BRCA1: variants seen among roughly 807,000 people sequenced by gnomAD.
BRCA1 encodes the protein BRCA1 DNA repair associated.
In BRCA1, 140 loss-of-function variants were observed where a neutral mutation model predicts 173.7. That is an observed-to-expected ratio of 0.81 (90% CI 0.70 to 0.93). BRCA1 has a LOEUF of 0.93. Ranked by LOEUF, BRCA1 falls within the 40% of genes least tolerant of loss-of-function variation. The probability of loss-of-function intolerance (pLI) is 0.00; values close to 1 mark genes in which losing one functional copy is unlikely to be tolerated. For synonymous variants in BRCA1, 662 were observed against 756.0 expected, an observed-to-expected ratio of 0.88 and a Z score of 2.04; for missense variants, 1,983 against 2,172.5, an observed-to-expected ratio of 0.91 and a Z score of 1.73.
Position 43,045,406 on chromosome 17 carries a change from TTGG to T in BRCA1, c.*269_*271del. ...AATAATGAATCAGCATCTTGCTCAA[TTGG>T]TGGCGTTTAAATGGTTTTAAAATCT... On this transcript the variant is annotated 3_prime_UTR_variant, in exon 23 of 23. Coordinates refer to ENST00000357654, the MANE Select transcript of BRCA1 (RefSeq NM_007294.4). The T allele has an allele frequency of 1.5e-6, 1 of 653,054 alleles. No individual in the cohort carries two copies. 40.5% of individuals were successfully genotyped at this position (653,054 alleles called of 1,614,324 possible). A position where few individuals can be genotyped will look rare whatever the true frequency, so the allele number is the denominator to read the frequency against.
At chr17:43,133,354 G>A (rs888663555) in intron 1 of BRCA1, among the ~76,000 whole-genome samples, 12 of 152,222 alleles carry the variant, frequency 7.9e-5, no homozygotes, top group African/African-American at 2.6e-4. Context: ...CAGGAGAAGT[G>A]GGATCCAGCC....
intron 3 of BRCA1, among the ~76,000 whole-genome samples, chr17:43,111,787 A>G (rs1462713362): frequency 6.6e-6 from 1 of 152,162 alleles, no homozygotes; most frequent in Non-Finnish European, 1.5e-5. Context: ...GCACCACCGC[A>G]CTCCAGCCTG....
intron 1 of BRCA1, chr17:43,133,165 C>T (rs1450136301): frequency 3.9e-5 from 6 of 152,226 alleles, no homozygotes; most frequent in South Asian, 2.1e-4. Flanking sequence ...AACACAGGTG[C>T]CTATGTGGGT....
chr17:43,067,246 T>G (rs1167932300), intron 16 of BRCA1: 1 of 253,358 alleles, frequency 3.9e-6, no homozygotes, highest in Non-Finnish European at 7.7e-6. Flanking sequence ...AATATTCTTA[T>G]TTTTTCACGT....
chr17:43,121,969 T>C (rs1268341819), intron 2 of BRCA1, among the ~76,000 whole-genome samples: 1 of 152,210 alleles, frequency 6.6e-6, no homozygotes, highest in East Asian at 1.9e-4. Flanking sequence ...GAGTAAGTTT[T>C]GTGCTTTTTC....
chr17:43,072,527 T>C (rs901614821), intron 14 of BRCA1, among the ~76,000 whole-genome samples: 2 of 151,482 alleles, frequency 1.3e-5, no homozygotes, highest in African/African-American at 4.9e-5. Context: ...CTCAGCCTCC[T>C]GAGTAGCTGG....
intron 22 of BRCA1, 76 bp from the exon 23 acceptor site, chr17:43,045,878 G>C (rs1275707537): frequency 6.3e-7 from 1 of 1,595,880 alleles, no homozygotes; most frequent in Non-Finnish European, 8.6e-7. Context: ...TCGACTCCAG[G>C]GTCCTGGTTG....
At chr17:43,132,370 A>T (rs536504216) in intron 1 of BRCA1, among the ~76,000 whole-genome samples, 21 of 152,188 alleles carry the variant, frequency 1.4e-4, no homozygotes, top group African/African-American at 4.8e-4. Flanking sequence ...CCTGAGCCCC[A>T]CACTGTTTTA....
rs36039988 is a variant in BRCA1, at chr17:43,090,744, G to A, written c.4185+200C>T. Reference sequence around the variant, plus strand: ...GTGTATGTGTAGGCTGTGTGTGCGCGTGTGCGTGTGTGTGAAATAAAAGGT... The same window carrying A: ...GTGTATGTGTAGGCTGTGTGTGCGCATGTGCGTGTGTGTGAAATAAAAGGT... On this transcript the variant is annotated intron_variant, in intron 11 of 22. Transcript: ENST00000357654. Among the ~76,000 whole-genome samples the A allele has an allele frequency of 3.8e-3, 582 of 152,188 alleles. 1 individual carries two copies. Among genetic ancestry groups the A allele is most frequent in the Non-Finnish European group, 5.4e-3 (369 of 68,002 alleles).
At chr17:43,129,100 A>G (rs1486275053), upstream of BRCA1, among the ~76,000 whole-genome samples, 1 of 152,260 alleles carries the variant, frequency 6.6e-6, no homozygotes, top group Non-Finnish European at 1.5e-5. Flanking sequence ...ACTTGTGCCA[A>G]GACAAGGTGA....
intron 1 of BRCA1, among the ~76,000 whole-genome samples, chr17:43,156,252 A>AG (rs2056196605): frequency 6.6e-6 from 1 of 152,146 alleles, no homozygotes; most frequent in South Asian, 2.1e-4. Flanking sequence ...AAGAAAAAAA[A>AG]AAAGAATCAT....
chr17:43,079,787 T>C, intron 12 of BRCA1: 2 of 866,810 alleles, frequency 2.3e-6, no homozygotes, highest in South Asian at 1.5e-5. Context: ...ATAATAGGTG[T>C]TAAAAAAAAA....
intron 15 of BRCA1, among the ~76,000 whole-genome samples, chr17:43,070,406 A>T (rs1327699447): frequency 6.6e-6 from 1 of 152,186 alleles, no homozygotes; most frequent in African/African-American, 2.4e-5. Context: ...TCTGGCATTA[A>T]GGACCCAAGG....
intron 18 of BRCA1, among the ~76,000 whole-genome samples, chr17:43,057,439 A>G (rs1236288671): frequency 1.3e-5 from 2 of 151,782 alleles, no homozygotes; most frequent in African/African-American, 4.8e-5. Context: ...TGAATGCAGG[A>G]GGTGGAGGTT....
chr17:43,074,826 C>T (rs2052634535), intron 13 of BRCA1, among the ~76,000 whole-genome samples: 1 of 151,774 alleles, frequency 6.6e-6, no homozygotes, highest in African/African-American at 2.4e-5. Context: ...GAGGCTGAGG[C>T]AGGAAAATTG....
At chr17:43,080,827 G>A (rs1265520654) in intron 12 of BRCA1, among the ~76,000 whole-genome samples, 1 of 151,868 alleles carries the variant, frequency 6.6e-6, no homozygotes, top group Non-Finnish European at 1.5e-5. Context: ...TCAGGTCGGG[G>A]AGGATGGCTC....
At chr17:43,160,257 G>C (rs2056226957) in intron 1 of BRCA1, 1 of 151,900 alleles carries the variant, frequency 6.6e-6, no homozygotes, top group Non-Finnish European at 1.5e-5. Flanking sequence ...GTAGCAGGAC[G>C]AGCTGCAGAC....
Position 43,063,873 on chromosome 17 carries a change from C to A in BRCA1, c.5152+1G>T, listed in dbSNP as rs80358094. ...GAGGGGAGAAATAGTATTATACTTA[C>A]AGAAATAGCTAACTACCCATTTTCC... On this transcript the variant is annotated splice_donor_variant, in intron 17 of 22. Coordinates refer to ENST00000357654, the MANE Select transcript of BRCA1 (RefSeq NM_007294.4). LOFTEE classifies it high-confidence loss of function. 2 of 1,611,168 alleles carry A rather than the reference C, an allele frequency of 1.2e-6. No individual in the cohort carries two copies. Among genetic ancestry groups the A allele is most frequent in the Non-Finnish European group, 1.7e-6 (2 of 1,177,342 alleles).
At chr17:43,141,919 C>CT (rs1267308053) in intron 1 of BRCA1, among the ~76,000 whole-genome samples, 1 of 152,016 alleles carries the variant, frequency 6.6e-6, no homozygotes, top group Non-Finnish European at 1.5e-5. Flanking sequence ...CTCTTGGCTT[C>CT]TTTTTTTCTT....
Sources: gnomAD v4.1 joint callset for allele counts (sites outside exome capture counted in the v4.1 genomes callset) on GRCh38, gnomAD v4.1.1 for gene constraint, MANE v1.5 for transcripts, NCBI Gene and HGNC (gene_info 2026-07-23, HGNC 2026-07-21) for gene names.